XRCC4: variants seen among roughly 807,000 people sequenced by gnomAD.
XRCC4 encodes X-ray repair cross complementing 4, also known as DNA repair protein XRCC4.
XRCC4 carries 28 observed loss-of-function variants against 39.1 expected under a neutral mutation model. That is an observed-to-expected ratio of 0.72 (90% CI 0.53 to 0.98). XRCC4 has a LOEUF of 0.98. Among genes scored for constraint, XRCC4 ranks in the 50% least tolerant of loss-of-function variants. The probability of loss-of-function intolerance (pLI) is 0.00; values close to 1 mark genes in which losing one functional copy is unlikely to be tolerated. For synonymous variants in XRCC4, 123 were observed against 126.4 expected (o/e 0.97, Z 0.18); for missense variants, 350 against 376.4 (o/e 0.93, Z 0.58).
At chr5:83,338,263 G>C (rs1756652174) in intron 7 of XRCC4, among the ~76,000 whole-genome samples, 2 of 152,212 alleles carry the variant, frequency 1.3e-5, no homozygotes, top group South Asian at 4.1e-4. Context: ...TAGGCTAAAA[G>C]GGAAAGAAGT....
rs190182514 is a variant in XRCC4 at position 83,266,855 on chromosome 5, G to A, written c.893+8178G>A. ...GTTATCATTACCACCATTATTGAAT[G>A]TTTACTCCTGTATAAATCACTTCTA... On this transcript the variant is annotated intron_variant, in intron 7 of 7. Transcript: ENST00000396027. 8.6e-4 allele frequency among the ~76,000 whole-genome samples: 131 copies of A among 152,160 alleles called. No individual in the cohort carries two copies. The Middle Eastern group carries it at 0.01, about 12-fold the overall frequency.
intron 3 of XRCC4, among the ~76,000 whole-genome samples, chr5:83,143,797 AATT>A (rs1748299551): frequency 1.3e-5 from 2 of 150,972 alleles, no homozygotes; most frequent in Non-Finnish European, 3.0e-5. Context: ...CATTCATTTG[AATT>A]ATTGTTCTTT....
the XRCC4 span, among the ~76,000 whole-genome samples, chr5:83,369,553 A>G: frequency 6.6e-6 from 1 of 152,206 alleles, no homozygotes; most frequent in Admixed American, 6.5e-5. Flanking sequence ...CTCCAGCTGC[A>G]TTCAGATTGC....
chr5:83,240,620 CACAAAAAAATGTCCAGGAA>C (rs931538084), intron 6 of XRCC4, among the ~76,000 whole-genome samples: 1 of 151,970 alleles, frequency 6.6e-6, no homozygotes, highest in African/African-American at 2.4e-5. Context: ...TTTGGGGCCA[CACAAAAAAATGTCCAGGAA>C]ACACTTGGAA....
chr5:83,349,793 G>GTATTGT (rs1421702087), intron 7 of XRCC4, among the ~76,000 whole-genome samples: 1 of 152,054 alleles, frequency 6.6e-6, no homozygotes, highest in Non-Finnish European at 1.5e-5. Flanking sequence ...GATACAGGGG[G>GTATTGT]TACATGTGCG....
chr5:83,341,173 A>C (rs1199790714), intron 7 of XRCC4, among the ~76,000 whole-genome samples: 1 of 151,634 alleles, frequency 6.6e-6, no homozygotes, highest in Non-Finnish European at 1.5e-5. Context: ...GCACTTACAA[A>C]AATATAATGT....
the XRCC4 span, among the ~76,000 whole-genome samples, chr5:83,373,116 C>T: frequency 1.3e-5 from 2 of 151,900 alleles, no homozygotes; most frequent in African/African-American, 4.8e-5. Context: ...GGAAATCTCA[C>T]CTTCCTTCCA....
chr5:83,309,972 A>G (rs922896435), intron 7 of XRCC4, among the ~76,000 whole-genome samples: 1 of 152,144 alleles, frequency 6.6e-6, no homozygotes, highest in African/African-American at 2.4e-5. Context: ...GCTTAATAGT[A>G]TACATTTTCT....
chr5:83,265,239 T>A (rs1418634962), intron 7 of XRCC4, among the ~76,000 whole-genome samples: 3 of 151,442 alleles, frequency 2.0e-5, no homozygotes, highest in Non-Finnish European at 4.4e-5. Context: ...GTACCTGAAC[T>A]ATAGACTTTT....
intron 3 of XRCC4, among the ~76,000 whole-genome samples, chr5:83,162,267 C>G (rs976239645): frequency 3.9e-5 from 6 of 152,134 alleles, no homozygotes; most frequent in East Asian, 3.8e-4. Context: ...AATTTAAGAT[C>G]GTTTATTTTC....
downstream of XRCC4, among the ~76,000 whole-genome samples, chr5:83,357,000 A>C (rs1757197475): frequency 6.6e-6 from 1 of 152,170 alleles, no homozygotes; most frequent in African/African-American, 2.4e-5. Flanking sequence ...ACTTTGGAAA[A>C]GTTTTTCTGA....
chr5:83,309,296 A>AAAAAAAAATATATATATATAT (rs1561467702), intron 7 of XRCC4, among the ~76,000 whole-genome samples: 45 of 72,230 alleles, frequency 6.2e-4, no homozygotes, highest in Non-Finnish European at 8.7e-4. Context: ...AAAAAAAAAA[A>AAAAAAAAATATATATATATAT]ATATATATAT....
intron 7 of XRCC4, among the ~76,000 whole-genome samples, chr5:83,333,853 T>A (rs1402473176): frequency 6.6e-6 from 1 of 150,534 alleles, no homozygotes; most frequent in Non-Finnish European, 1.5e-5. Context: ...CACTGCAACC[T>A]CCACCTCCCA....
At chr5:83,282,208 A>G (rs1312160907) in intron 7 of XRCC4, among the ~76,000 whole-genome samples, 1 of 152,208 alleles carries the variant, frequency 6.6e-6, no homozygotes, top group Non-Finnish European at 1.5e-5. Flanking sequence ...GTTGCTTGGC[A>G]TGACAATGAG....
At chr5:83,242,152 C>T (rs986680440) in intron 6 of XRCC4, among the ~76,000 whole-genome samples, 1 of 139,888 alleles carries the variant, frequency 7.1e-6, no homozygotes, top group Non-Finnish European at 1.5e-5. Flanking sequence ...AAGGGTCACT[C>T]GTATACACAT....
At chr5:83,203,822 T>C in intron 5 of XRCC4, 115 bp downstream of exon 5, 2 of 1,275,048 alleles carry the variant, frequency 1.6e-6, no homozygotes, top group Non-Finnish European at 2.2e-6. Context: ...AATTTGGTAG[T>C]CTGGATGTGG....
intron 7 of XRCC4, among the ~76,000 whole-genome samples, chr5:83,290,369 TTTA>T (rs1314401289): frequency 1.3e-5 from 2 of 151,268 alleles, no homozygotes; most frequent in African/African-American, 4.8e-5. Flanking sequence ...TGGATGCCCT[TTTA>T]TTAATTCTAT....
At chr5:83,087,779 T>A (rs969490362) in intron 1 of XRCC4, among the ~76,000 whole-genome samples, 2 of 152,286 alleles carry the variant, frequency 1.3e-5, no homozygotes, top group African/African-American at 4.8e-5. Flanking sequence ...AATTTAGTAA[T>A]TTACTCTTTT....
rs191700089 is a variant in XRCC4, at chr5:83,302,950, C to T, written c.893+44273C>T. On this transcript the variant is annotated intron_variant, in intron 7 of 7. Transcript: ENST00000396027. ...ATGTCAGGCCGGGCGCAGTGGCTTA[C>T]GCCTGTAATCCCAGCACTTTGGGAA... 2.1e-3 allele frequency among the ~76,000 whole-genome samples: 316 copies of T among 152,290 alleles called. 1 individual carries two copies. The highest frequency in any genetic ancestry group is 6.9e-3 in the African/African-American group (287 of 41,562).
Sources: allele counts gnomAD v4.1 joint callset (sites outside exome capture counted in the v4.1 genomes callset), GRCh38; gene constraint gnomAD v4.1.1; transcripts MANE v1.5; gene names NCBI Gene and HGNC (gene_info 2026-07-23, HGNC 2026-07-21).